Variants in SLC38A2 observed in about 807,000 individuals in gnomAD.
The protein encoded by SLC38A2 is solute carrier family 38 member 2, also known as sodium-coupled neutral amino acid symporter 2.
A neutral mutation model predicts 61.5 loss-of-function variants in SLC38A2; 11 were observed. The ratio of observed to expected loss-of-function variants is 0.18; its 90% CI spans 0.11 to 0.30. The LOEUF (loss-of-function observed/expected upper bound fraction) is 0.30, where lower values mean the gene tolerates loss of function less well. Ranked by LOEUF, SLC38A2 falls within the 10% of genes least tolerant of loss-of-function variation. The pLI, the probability that SLC38A2 is intolerant of heterozygous loss-of-function variation, is 1.00. For synonymous variants in SLC38A2, 217 were observed against 212.5 expected, an observed-to-expected ratio of 1.02 and a Z score of -0.18; for missense variants, 522 against 600.4, an observed-to-expected ratio of 0.87 and a Z score of 1.36.
In SLC38A2 at chr12:46,361,092, T is replaced by A. The variant is rs777919975; in HGVS notation, c.*19A>T. 3 of 1,599,440 alleles carry A rather than the reference T, an allele frequency of 1.9e-6. No individual in the cohort carries two copies. The South Asian group carries it at 3.3e-5, about 18-fold the overall frequency. On this transcript the variant is annotated 3_prime_UTR_variant, in exon 16 of 16. Transcript: ENST00000256689. ...ACACTGGCATCAGATGGACTGAGTTTGAGTTTGAGTGGTGCCAATTAATGG... is the reference window on the plus strand; with the variant it reads ...ACACTGGCATCAGATGGACTGAGTTAGAGTTTGAGTGGTGCCAATTAATGG...
chr12:46,371,433 C>T (rs1943198320), intron 1 of SLC38A2, 54 bp from the exon 2 acceptor site: 3 of 667,870 alleles, frequency 4.5e-6, no homozygotes, highest in Non-Finnish European at 7.8e-6. Flanking sequence ...GCCGCGGTCA[C>T]GTGACGCCGC....
chr12:46,372,390 C>T (rs1179576773), intron 1 of SLC38A2, 119 bp downstream of exon 1: 7 of 290,974 alleles, frequency 2.4e-5, no homozygotes, highest in Non-Finnish European at 4.4e-5. Flanking sequence ...CGACAACGCC[C>T]GCCTCGAAAG....
chr12:46,372,381 G>A (rs1042034636), intron 1 of SLC38A2, 128 bp downstream of exon 1: 13 of 264,672 alleles, frequency 4.9e-5, no homozygotes, highest in Non-Finnish European at 8.5e-5. Context: ...CAGCCCAACC[G>A]ACAACGCCCG....
At chr12:46,371,015 A>G in intron 2 of SLC38A2, 158 bp from the exon 3 acceptor site, 1 of 822,736 alleles carries the variant, frequency 1.2e-6, no homozygotes, top group Non-Finnish European at 2.0e-6. Flanking sequence ...CTTTCACACC[A>G]GCTATCTTGT....
In SLC38A2 at chr12:46,358,741, AGATT is replaced by A. The variant is rs1943049008; in HGVS notation, c.*2366_*2369del. 6.6e-6 allele frequency: 1 copy of A among 152,670 alleles called. No individual in the cohort carries two copies. The highest frequency in any genetic ancestry group is 6.5e-5 in the Admixed American group (1 of 15,278). The allele number at this position is 152,670 out of a possible 1,614,324, so 9.5% of individuals were successfully genotyped here. On this transcript the variant is annotated 3_prime_UTR_variant, in exon 16 of 16. Transcript: ENST00000256689. Reference sequence around the variant, plus strand: ...ATATGGACAGACAATATATGTACATAGATTATCATAAATATTGAAAAATAGGTTA... The same window carrying A: ...ATATGGACAGACAATATATGTACATAATCATAAATATTGAAAAATAGGTTA...
chr12:46,365,881 A>C (rs771802832), intron 7 of SLC38A2, among the ~76,000 whole-genome samples: 3 of 152,140 alleles, frequency 2.0e-5, no homozygotes, highest in Non-Finnish European at 4.4e-5. Flanking sequence ...TAAATCATGA[A>C]TTGCACTGTC....
intron 7 of SLC38A2, among the ~76,000 whole-genome samples, chr12:46,366,182 A>G (rs1437749476): frequency 2.0e-5 from 3 of 152,168 alleles, no homozygotes; most frequent in African/African-American, 7.2e-5. Flanking sequence ...TTTCTGGCAC[A>G]TGTTGAGTAT....
In SLC38A2 at chr12:46,372,544, T is replaced by C. The variant is rs1943217356; in HGVS notation, c.-122A>G. Reference sequence around the variant, plus strand: ...TCTATTCTCACGCAGACGTCTTCAGTGGGTTTCTCTCAGTCAAATACAAAT... The same window carrying C: ...TCTATTCTCACGCAGACGTCTTCAGCGGGTTTCTCTCAGTCAAATACAAAT... On this transcript the variant is annotated 5_prime_UTR_variant, in exon 1 of 16. Transcript: ENST00000256689. The C allele has an allele frequency of 2.6e-6, 1 of 387,332 alleles. No individual in the cohort carries two copies. The highest frequency in any genetic ancestry group is 4.6e-6 in the Non-Finnish European group (1 of 219,016). The allele number at this position is 387,332 out of a possible 1,614,324, so 24.0% of individuals were successfully genotyped here.
intron 8 of SLC38A2, 140 bp from the exon 9 acceptor site, chr12:46,364,842 C>T (rs1943123079): frequency 4.1e-6 from 3 of 727,764 alleles, no homozygotes; most frequent in Non-Finnish European, 6.7e-6. Flanking sequence ...ATTTCTAATT[C>T]TTATGATACT....
At position 46,360,208 on chromosome 12, in the gene SLC38A2, AATTGC is replaced by A. The variant is rs1943065930; in HGVS notation, c.*898_*902del. ...CAACTGAATAAACCCTGTTTTACCC[AATTGC>A]ACTATTTGGTACCTCAAAATTAGTT... On this transcript the variant is annotated 3_prime_UTR_variant, in exon 16 of 16. Coordinates refer to ENST00000256689, the MANE Select transcript of SLC38A2 (RefSeq NM_018976.5). 1 of 152,644 alleles carries A rather than the reference AATTGC, an allele frequency of 6.6e-6. No individual in the cohort carries two copies. The highest frequency in any genetic ancestry group is 2.1e-4 in the South Asian group (1 of 4,836). 9.5% of individuals were successfully genotyped at this position (152,644 alleles called of 1,614,324 possible). A position where few individuals can be genotyped will look rare whatever the true frequency, so the allele number is the denominator to read the frequency against.
chr12:46,368,539 T>A (rs1943162514), intron 4 of SLC38A2, among the ~76,000 whole-genome samples: 3 of 152,174 alleles, frequency 2.0e-5, no homozygotes, highest in Admixed American at 6.5e-5. Context: ...TTAAAGAAAT[T>A]AAATAACAAA....
At chr12:46,363,349 G>A (rs1399984644) in intron 12 of SLC38A2, among the ~76,000 whole-genome samples, 3 of 152,044 alleles carry the variant, frequency 2.0e-5, no homozygotes, top group Admixed American at 6.5e-5. Context: ...CAGAGATTTA[G>A]CCACATGACT....
intron 13 of SLC38A2, 136 bp from the exon 14 acceptor site, chr12:46,362,774 G>C (rs1044903460): frequency 7.6e-5 from 81 of 1,068,562 alleles, no homozygotes; most frequent in Non-Finnish European, 1.1e-4. Flanking sequence ...AAATAAAACT[G>C]TGCCTCTTTC....
chr12:46,364,819 T>C, intron 8 of SLC38A2, 117 bp from the exon 9 acceptor site: 1 of 882,364 alleles, frequency 1.1e-6, no homozygotes, highest in Non-Finnish European at 1.8e-6. Context: ...CTAAAGTATG[T>C]GTATAGCACT....
At chr12:46,361,469 C>A (rs1943080824) in intron 15 of SLC38A2, among the ~76,000 whole-genome samples, 1 of 152,162 alleles carries the variant, frequency 6.6e-6, no homozygotes, top group South Asian at 2.1e-4. Context: ...TCTTGCTAAA[C>A]AAACTGCTTC....
At chr12:46,361,301 A>ACTATAT in intron 15 of SLC38A2, 92 bp from the exon 16 acceptor site, 1 of 959,742 alleles carries the variant, frequency 1.0e-6, no homozygotes, top group Non-Finnish European at 1.6e-6. Context: ...TTAATTACTA[A>ACTATAT]AATCTATCCA....
chr12:46,362,858 A>T, intron 13 of SLC38A2, 163 bp downstream of exon 13: 1 of 1,001,782 alleles, frequency 1.0e-6, no homozygotes, highest in Non-Finnish European at 1.4e-6. Context: ...TCCCCAGGGT[A>T]TTTTGAAAAT....
At position 46,360,741 on chromosome 12, in the gene SLC38A2, C is replaced by A. The variant is rs1046439695; in HGVS notation, c.*370G>T. The A allele has an allele frequency of 1.1e-5, 2 of 182,740 alleles. No individual in the cohort carries two copies. Among genetic ancestry groups the A allele is most frequent in the Non-Finnish European group, 2.3e-5 (2 of 88,452 alleles). 11.3% of individuals were successfully genotyped at this position (182,740 alleles called of 1,614,324 possible). A position where few individuals can be genotyped will look rare whatever the true frequency, so the allele number is the denominator to read the frequency against. On this transcript the variant is annotated 3_prime_UTR_variant, in exon 16 of 16. Transcript: ENST00000256689. The stretch of plus-strand genomic sequence containing the variant: ...GTAAATTAAAAAGAATTGTTTCTCA[C>A]ATCAAATGGTTCCATTAGGCACATT...
At chr12:46,363,850 A>G (rs761182145) in intron 11 of SLC38A2, 24 bp from the exon 12 acceptor site, 7 of 1,587,558 alleles carry the variant, frequency 4.4e-6, no homozygotes, top group Non-Finnish European at 3.4e-6. Flanking sequence ...GAGAAAATTC[A>G]AATATATATT....
Sources: gnomAD v4.1 joint callset for allele counts (sites outside exome capture counted in the v4.1 genomes callset) on GRCh38, gnomAD v4.1.1 for gene constraint, MANE v1.5 for transcripts, NCBI Gene and HGNC (gene_info 2026-07-23, HGNC 2026-07-21) for gene names.